The following RMDN2 variants were observed in gnomAD, a reference collection of about 807,000 sequenced individuals.
RMDN2 encodes regulator of microtubule dynamics protein 2.
Under a neutral mutation model 52.8 loss-of-function variants are expected in RMDN2, and 61 were observed. That is an observed-to-expected ratio of 1.16 (90% CI 0.94 to 1.43). The LOEUF is 1.43. Ranked by LOEUF, RMDN2 falls within the 40% of genes most tolerant of loss-of-function variation. RMDN2 has a pLI of 0.00. For synonymous variants in RMDN2, 180 were observed against 153.1 expected, an observed-to-expected ratio of 1.18 and a Z score of -1.30; for missense variants, 592 against 475.3, an observed-to-expected ratio of 1.25 and a Z score of -2.28.
chr2:38,017,505 GAAT>G lies in RMDN2; in HGVS notation c.*268_*270del, dbSNP rs1678966897. ...TCTTATCAATAAACTGCAGCCTTAA[GAAT>G]ATTTCTTTAAATAAAATATTTAAAT... On this transcript the variant is annotated 3_prime_UTR_variant, in exon 11 of 11. Coordinates refer to ENST00000354545, the MANE Select transcript of RMDN2 (RefSeq NM_001170791.3). 2.3e-5 allele frequency: 25 copies of G among 1,100,398 alleles called. No individual in the cohort carries two copies. Among genetic ancestry groups the G allele is most frequent in the Non-Finnish European group, 2.5e-5 (21 of 828,190 alleles). The allele number at this position is 1,100,398 out of a possible 1,614,324, so 68.2% of individuals were successfully genotyped here.
intron 10 of RMDN2, among the ~76,000 whole-genome samples, chr2:38,065,578 T>C (rs1490068000): frequency 6.6e-6 from 1 of 152,170 alleles, no homozygotes; most frequent in Non-Finnish European, 1.5e-5. Flanking sequence ...ATCAAAAAGC[T>C]TGTTTCGTGC....
intron 10 of RMDN2, among the ~76,000 whole-genome samples, chr2:38,032,503 G>T (rs1327894980): frequency 6.6e-6 from 1 of 152,098 alleles, no homozygotes; most frequent in East Asian, 1.9e-4. Context: ...CCTGTTTGGG[G>T]TTGTTTACAG....
intron 2 of RMDN2, among the ~76,000 whole-genome samples, chr2:37,965,152 C>A (rs1900232): frequency 0.43 from 64,731 of 151,820 alleles, 15,384 homozygotes; most frequent in East Asian, 0.8. Flanking sequence ...GACAGCATAT[C>A]GTTAAATCCC....
intron 7 of RMDN2, among the ~76,000 whole-genome samples, chr2:37,992,936 A>AC (rs1390706130): frequency 6.6e-6 from 1 of 151,814 alleles, no homozygotes; most frequent in Non-Finnish European, 1.5e-5. Flanking sequence ...CTTTTCTTTG[A>AC]CCAAGTCTCG....
Position 38,063,735 on chromosome 2 carries a change from G to T in RMDN2, c.1714-3247G>T, listed in dbSNP as rs1001439881. On this transcript the variant is annotated intron_variant, in intron 10 of 10. Transcript: ENST00000234195. ...AAAACAAACAACCCCATCAAAAAGT[G>T]GGCGAAGGATATGAACAGACACTTC... Among the ~76,000 whole-genome samples, 39 of 152,082 alleles carry T rather than the reference G, an allele frequency of 2.6e-4. 1 individual carries two copies. The highest frequency in any genetic ancestry group is 6.6e-5 in the Admixed American group (1 of 15,258).
intron 10 of RMDN2, among the ~76,000 whole-genome samples, chr2:38,057,770 T>TA (rs1226362672): frequency 6.6e-6 from 1 of 152,158 alleles, no homozygotes; most frequent in Non-Finnish European, 1.5e-5. Context: ...TCTGGTTGTT[T>TA]AAAAGTATGT....
At chr2:37,943,137 A>C (rs1265659371) in intron 2 of RMDN2, among the ~76,000 whole-genome samples, 2 of 152,182 alleles carry the variant, frequency 1.3e-5, no homozygotes, top group South Asian at 2.1e-4. Flanking sequence ...GCATCCCACT[A>C]GTATGTTTAT....
At chr2:38,010,539 C>A (rs1017331928) in intron 10 of RMDN2, among the ~76,000 whole-genome samples, 1 of 152,184 alleles carries the variant, frequency 6.6e-6, no homozygotes, top group Non-Finnish European at 1.5e-5. Flanking sequence ...CCTGGTGTGC[C>A]ACTTGCTAAG....
chr2:37,985,602 G>C (rs370348185), intron 5 of RMDN2, among the ~76,000 whole-genome samples: 1 of 152,152 alleles, frequency 6.6e-6, no homozygotes, highest in Non-Finnish European at 1.5e-5. Context: ...GGCCAGGTCT[G>C]TATCTTGGTC....
chr2:37,982,926 C>T (rs962527492), intron 5 of RMDN2, among the ~76,000 whole-genome samples: 4 of 152,150 alleles, frequency 2.6e-5, no homozygotes, highest in African/African-American at 9.7e-5. Context: ...TCTCTCTCTT[C>T]ATCGCGTTTG....
intron 10 of RMDN2, among the ~76,000 whole-genome samples, chr2:38,063,973 T>G (rs1682162080): frequency 6.6e-6 from 1 of 151,056 alleles, no homozygotes; most frequent in Non-Finnish European, 1.5e-5. Context: ...GTGAATCCTG[T>G]TTGTGTGTGT....
chr2:37,956,865 C>T (rs1558468652), intron 2 of RMDN2, among the ~76,000 whole-genome samples: 1 of 151,626 alleles, frequency 6.6e-6, no homozygotes, highest in Admixed American at 6.6e-5. Context: ...TCCATGTGTT[C>T]TCATTGTTCA....
intron 2 of RMDN2, among the ~76,000 whole-genome samples, chr2:37,960,158 C>A (rs935981230): frequency 3.3e-5 from 5 of 152,032 alleles, no homozygotes; most frequent in African/African-American, 4.8e-5. Flanking sequence ...TCTATTAGGT[C>A]CTCTTGATCC....
chr2:37,954,189 G>C (rs1669178054), intron 2 of RMDN2, among the ~76,000 whole-genome samples: 2 of 151,918 alleles, frequency 1.3e-5, no homozygotes, highest in African/African-American at 4.8e-5. Context: ...ATCCATAGAA[G>C]TTTTCGGTTT....
chr2:37,947,864 C>G (rs1304078708), intron 2 of RMDN2, among the ~76,000 whole-genome samples: 1 of 152,166 alleles, frequency 6.6e-6, no homozygotes, highest in Non-Finnish European at 1.5e-5. Flanking sequence ...GATTCAGTCC[C>G]AGTCAGGGTT....
downstream of RMDN2, among the ~76,000 whole-genome samples, chr2:38,020,924 C>T (rs1679316215): frequency 6.6e-6 from 1 of 152,212 alleles, no homozygotes; most frequent in South Asian, 2.1e-4. Context: ...CAGGCAGCTC[C>T]ACCTGTGGCC....
chr2:37,977,130 C>T (rs754184792), intron 4 of RMDN2, among the ~76,000 whole-genome samples: 1 of 152,130 alleles, frequency 6.6e-6, no homozygotes, highest in Admixed American at 6.5e-5. Flanking sequence ...CCTTAGTGGA[C>T]ACAGCATATG....
chr2:38,009,144 C>G (rs1677564142), intron 10 of RMDN2, among the ~76,000 whole-genome samples: 1 of 152,142 alleles, frequency 6.6e-6, no homozygotes, highest in African/African-American at 2.4e-5. Context: ...AACATTTTTT[C>G]CTTCATTTCA....
At chr2:38,056,148 C>T (rs1299423297) in intron 10 of RMDN2, among the ~76,000 whole-genome samples, 2 of 152,160 alleles carry the variant, frequency 1.3e-5, no homozygotes, top group African/African-American at 2.4e-5. Context: ...CTGTGCCAGG[C>T]ACCCGGGATC....
Sources: gnomAD v4.1 joint callset for allele counts (sites outside exome capture counted in the v4.1 genomes callset) on GRCh38, gnomAD v4.1.1 for gene constraint, MANE v1.5 for transcripts, NCBI Gene and HGNC (gene_info 2026-07-23, HGNC 2026-07-21) for gene names.